MYO16: variants seen among roughly 807,000 people sequenced by gnomAD.
The protein encoded by MYO16 is unconventional myosin-XVI.
In MYO16, 94 loss-of-function variants were observed where a neutral mutation model predicts 205.3. The observed-to-expected ratio is 0.46, with a 90% CI of 0.39 to 0.54. MYO16 has a LOEUF of 0.54. Among genes scored for constraint, MYO16 ranks in the 20% least tolerant of loss-of-function variants. MYO16 has a pLI of 0.00. For missense variants in MYO16, 2,315 were observed against 2,387.5 expected, an observed-to-expected ratio of 0.97 and a Z score of 0.63; for synonymous variants, 988 against 954.0, an observed-to-expected ratio of 1.04 and a Z score of -0.66.
intron 17 of MYO16, among the ~76,000 whole-genome samples, chr13:108,961,237 A>G (rs748433151): frequency 6.6e-6 from 1 of 152,140 alleles, no homozygotes; most frequent in Non-Finnish European, 1.5e-5. Flanking sequence ...ACAATTATTC[A>G]TTTTTGTTAT....
chr13:109,123,792 TAA>T (rs1481028619), intron 29 of MYO16, among the ~76,000 whole-genome samples: 1 of 152,188 alleles, frequency 6.6e-6, no homozygotes, highest in Non-Finnish European at 1.5e-5. Flanking sequence ...GCTACTCAAG[TAA>T]ACACATCAAA....
intron 10 of MYO16, among the ~76,000 whole-genome samples, chr13:108,847,395 C>T (rs561267063): frequency 6.6e-6 from 1 of 152,298 alleles, no homozygotes; most frequent in East Asian, 1.9e-4. Flanking sequence ...ATCATGTTCT[C>T]ATATGTTCTT....
At chr13:108,550,834 T>C in the MYO16 span, among the ~76,000 whole-genome samples, 3 of 152,236 alleles carry the variant, frequency 2.0e-5, no homozygotes, top group East Asian at 5.8e-4. Flanking sequence ...TTTTTCATCT[T>C]TGCCAGCAAT....
Position 109,111,030 on chromosome 13 carries a change from T to C in MYO16, c.3439-9340T>C, listed in dbSNP as rs142130212. Among the ~76,000 whole-genome samples, 474 of 152,260 alleles carry C rather than the reference T, an allele frequency of 3.1e-3. 2 individuals are homozygous for C. The highest frequency in any genetic ancestry group is 3.2e-3 in the Admixed American group (49 of 15,300). ...TGAATGGATGTTCAGAGCAGACAGA[T>C]GGTAGGATGACGGATGAACAAATGT... On this transcript the variant is annotated intron_variant, in intron 28 of 34. Coordinates refer to ENST00000457511, the MANE Select transcript of MYO16 (RefSeq NM_001198950.3).
intron 16 of MYO16, among the ~76,000 whole-genome samples, chr13:108,948,610 C>T (rs535702982): frequency 1.3e-5 from 2 of 152,174 alleles, no homozygotes; most frequent in Non-Finnish European, 2.9e-5. Context: ...TTTTGGCAAA[C>T]AGTCAATGTT....
intron 20 of MYO16, among the ~76,000 whole-genome samples, chr13:108,975,893 T>A (rs1425753735): frequency 6.6e-6 from 1 of 152,196 alleles, no homozygotes; most frequent in Admixed American, 6.5e-5. Flanking sequence ...AGATGATCTA[T>A]AATGATTGTT....
In MYO16 at chr13:109,207,004, G is replaced by T. The variant is rs1880628080; in HGVS notation, c.*168G>T. 3.3e-6 allele frequency: 1 copy of T among 301,858 alleles called. No individual in the cohort carries two copies. The highest frequency in any genetic ancestry group is 6.2e-6 in the Non-Finnish European group (1 of 162,004). 18.7% of individuals were successfully genotyped at this position (301,858 alleles called of 1,614,324 possible). ...TGAGATCCCGTGTGTGTGTGTGTGT[G>T]TTTGTGTGTGTGTGTGTGGGTTCTT... On this transcript the variant is annotated 3_prime_UTR_variant, in exon 35 of 35. Coordinates refer to ENST00000457511, the MANE Select transcript of MYO16 (RefSeq NM_001198950.3).
At chr13:109,096,193 C>T (rs1888771053) in intron 27 of MYO16, among the ~76,000 whole-genome samples, 1 of 152,154 alleles carries the variant, frequency 6.6e-6, no homozygotes, top group Non-Finnish European at 1.5e-5. Flanking sequence ...AGCAGGGCTT[C>T]CTCTGAAACT....
chr13:108,664,145 C>G (rs1881623287), intron 1 of MYO16, among the ~76,000 whole-genome samples: 1 of 152,138 alleles, frequency 6.6e-6, no homozygotes, highest in Non-Finnish European at 1.5e-5. Context: ...GTTGATATTT[C>G]TCACATCACT....
At chr13:108,711,926 A>G (rs968595222) in intron 2 of MYO16, among the ~76,000 whole-genome samples, 7 of 152,220 alleles carry the variant, frequency 4.6e-5, no homozygotes, top group African/African-American at 1.7e-4. Context: ...AAACAATTAT[A>G]GTGCCTTGGG....
intron 7 of MYO16, among the ~76,000 whole-genome samples, chr13:108,810,755 C>T (rs1887266281): frequency 6.6e-6 from 1 of 152,192 alleles, no homozygotes; most frequent in African/African-American, 2.4e-5. Flanking sequence ...AGACTAATGG[C>T]ATTTTTAGAG....
the MYO16 span, among the ~76,000 whole-genome samples, chr13:108,524,649 C>A: frequency 6.6e-6 from 1 of 152,136 alleles, no homozygotes; most frequent in Non-Finnish European, 1.5e-5. Flanking sequence ...GTGCCATGAT[C>A]CTCTTTGAAA....
intron 23 of MYO16, among the ~76,000 whole-genome samples, chr13:109,023,001 A>G (rs1886145242): frequency 1.5e-5 from 2 of 135,070 alleles, no homozygotes; most frequent in East Asian, 4.2e-4. Context: ...TATATATTAT[A>G]TATACACATG....
chr13:108,632,317 C>T (rs182163686), intron 1 of MYO16, among the ~76,000 whole-genome samples: 1 of 152,202 alleles, frequency 6.6e-6, no homozygotes, highest in East Asian at 1.9e-4. Context: ...CCAGATTTAT[C>T]ACCATAGCAC....
the MYO16 span, among the ~76,000 whole-genome samples, chr13:108,505,526 A>AT: frequency 6.6e-6 from 1 of 151,994 alleles, no homozygotes; most frequent in East Asian, 1.9e-4. Flanking sequence ...AGGTCATTTT[A>AT]TTTTTTTGTT....
intron 18 of MYO16, 55 bp from the exon 19 acceptor site, chr13:108,962,369 T>G: frequency 1.4e-6 from 2 of 1,402,204 alleles, no homozygotes; most frequent in Non-Finnish European, 2.0e-6. Flanking sequence ...AATTCAATGT[T>G]CTTGGTATCA....
intron 1 of MYO16, among the ~76,000 whole-genome samples, chr13:108,641,968 C>T (rs1034627476): frequency 1.3e-5 from 2 of 152,142 alleles, no homozygotes; most frequent in African/African-American, 4.8e-5. Flanking sequence ...TTAGGGGAGA[C>T]TCCACTGCTA....
chr13:108,686,337 G>T (rs1882675017), intron 2 of MYO16, among the ~76,000 whole-genome samples: 1 of 152,170 alleles, frequency 6.6e-6, no homozygotes. Flanking sequence ...CATGTGCAGT[G>T]CAATCCTTTT....
At chr13:108,555,940 G>A in the MYO16 span, among the ~76,000 whole-genome samples, 1 of 152,060 alleles carries the variant, frequency 6.6e-6, no homozygotes, top group Non-Finnish European at 1.5e-5. Flanking sequence ...CTTCTTTGTT[G>A]TTGAATAGTA....
Sources: gnomAD v4.1 joint callset for allele counts (sites outside exome capture counted in the v4.1 genomes callset) on GRCh38, gnomAD v4.1.1 for gene constraint, MANE v1.5 for transcripts, NCBI Gene and HGNC (gene_info 2026-07-23, HGNC 2026-07-21) for gene names.